The following ASAH1 variants were observed in gnomAD, a reference collection of about 807,000 sequenced individuals.
The protein encoded by ASAH1 is acid ceramidase.
In ASAH1, 70 loss-of-function variants were observed where a neutral mutation model predicts 59.5. That is an observed-to-expected ratio of 1.18 (90% confidence interval 0.97 to 1.43). The LOEUF (loss-of-function observed/expected upper bound fraction) is 1.43, where lower values mean the gene tolerates loss of function less well. Among genes scored for constraint, ASAH1 ranks in the 40% most tolerant of loss-of-function variants. ASAH1 has a pLI of 0.00. For synonymous variants in ASAH1, 213 were observed against 166.5 expected (o/e 1.28, Z -2.15); for missense variants, 660 against 482.5 (o/e 1.37, Z -3.45).
intron 5 of ASAH1, 126 bp from the exon 6 acceptor site, chr8:18,064,657 G>A: frequency 1.5e-6 from 1 of 656,646 alleles, no homozygotes; most frequent in South Asian, 1.8e-5. Context: ...GGCTGTGCTG[G>A]AACGGCCGGC....
chr8:18,072,633 T>G (rs558553566), intron 2 of ASAH1, among the ~76,000 whole-genome samples: 73 of 152,354 alleles, frequency 4.8e-4, no homozygotes, highest in African/African-American at 1.7e-3. Flanking sequence ...AATGCTACAA[T>G]ACTTATATTC....
rs544084108 is a variant in ASAH1 at position 18,074,240 on chromosome 8, T to C, written c.125+1301A>G. Among the ~76,000 whole-genome samples, 5 of 152,266 alleles carry C rather than the reference T, an allele frequency of 3.3e-5. No individual in the cohort carries two copies. The South Asian group carries it at 1.0e-3, about 32-fold the overall frequency. ...TCACTGAAGGCCAGAATGATGCCAGTGATGACAGAAAGGAAGACTTTCAGA... is the reference window on the plus strand; with the variant it reads ...TCACTGAAGGCCAGAATGATGCCAGCGATGACAGAAAGGAAGACTTTCAGA... On this transcript the variant is annotated intron_variant, in intron 2 of 13. Coordinates refer to ENST00000637790, the MANE Select transcript of ASAH1 (RefSeq NM_177924.5).
chr8:18,072,188 A>C (rs909856682), intron 2 of ASAH1, among the ~76,000 whole-genome samples: 1 of 152,184 alleles, frequency 6.6e-6, no homozygotes, highest in Non-Finnish European at 1.5e-5. Context: ...AGGGTGTGCC[A>C]GTTAGTGGTT....
chr8:18,069,773 G>C lies in ASAH1; in HGVS notation c.303+19C>G. 1 of 1,502,786 alleles carries C rather than the reference G, an allele frequency of 6.7e-7. No individual in the cohort carries two copies. Among genetic ancestry groups the C allele is most frequent in the African/African-American group, 1.4e-5 (1 of 73,526 alleles). 93.1% of individuals were successfully genotyped at this position (1,502,786 alleles called of 1,614,324 possible). On this transcript the variant is annotated intron_variant, in intron 4 of 13. Transcript: ENST00000637790. ...TTTCTATGTGCTTAACATTTATTGT[G>C]AGAAATAATATCTCTTACCAATTTT...
At chr8:18,067,041 C>A in intron 5 of ASAH1, 179 bp downstream of exon 5, 1 of 396,110 alleles carries the variant, frequency 2.5e-6, no homozygotes, top group Non-Finnish European at 4.6e-6. Flanking sequence ...TGATCTGAGT[C>A]ATGGCTACAT....
At chr8:18,078,221 A>T (rs1169723188) in intron 1 of ASAH1, among the ~76,000 whole-genome samples, 5 of 152,230 alleles carry the variant, frequency 3.3e-5, no homozygotes, top group Non-Finnish European at 5.9e-5. Context: ...AAGCCAAAAT[A>T]AACATCAAAT....
At chr8:18,066,153 T>C (rs956280913) in intron 5 of ASAH1, 4 of 151,808 alleles carry the variant, frequency 2.6e-5, no homozygotes, top group Non-Finnish European at 4.4e-5. Context: ...GACTTTGGGG[T>C]AGGCCAAGAT....
At chr8:18,072,635 C>T (rs1251018833) in intron 2 of ASAH1, among the ~76,000 whole-genome samples, 1 of 152,194 alleles carries the variant, frequency 6.6e-6, no homozygotes, top group Admixed American at 6.5e-5. Flanking sequence ...TGCTACAATA[C>T]TTATATTCTA....
intron 1 of ASAH1, chr8:18,083,224 T>C (rs758103238): frequency 6.6e-6 from 1 of 152,250 alleles, no homozygotes; most frequent in Non-Finnish European, 1.5e-5. Flanking sequence ...GATTGCTTTA[T>C]AAAGAAATGA....
chr8:18,061,818 G>T, intron 8 of ASAH1, 78 bp from the exon 9 acceptor site: 1 of 1,351,888 alleles, frequency 7.4e-7, no homozygotes, highest in Non-Finnish European at 1.0e-6. Flanking sequence ...GTACTTCAGA[G>T]TGGGATATAA....
At chr8:18,072,189 G>T (rs7460890) in intron 2 of ASAH1, among the ~76,000 whole-genome samples, 63,850 of 152,082 alleles carry the variant, frequency 0.42, 14,237 homozygotes, top group South Asian at 0.52. Flanking sequence ...GGGTGTGCCA[G>T]TTAGTGGTTT....
chr8:18,082,301 A>G (rs1177652627), intron 1 of ASAH1, among the ~76,000 whole-genome samples: 2 of 152,200 alleles, frequency 1.3e-5, no homozygotes, highest in African/African-American at 4.8e-5. Flanking sequence ...GAGAAAGAAG[A>G]AAAAACAGCC....
At chr8:18,059,108 G>C (rs149791839) in intron 12 of ASAH1, 6 of 711,908 alleles carry the variant, frequency 8.4e-6, no homozygotes, top group Non-Finnish European at 1.2e-5. Flanking sequence ...ATTCTTGCCT[G>C]TTTGTTATTC....
In ASAH1 at chr8:18,059,583, C is replaced by T; in HGVS notation, c.906G>A (p.Leu302=). The change falls in exon 11 of 14, where the codon TTG becomes TTA. Residue 302 remains leucine (L), a synonymous_variant. Coordinates refer to ENST00000637790, the MANE Select transcript of ASAH1 (RefSeq NM_177924.5). ...CVITRDRKES[L]DVYELDAKQG... is the part of the protein sequence containing the mutation. ...ACAAACCTACTTACTCATATACATCCAATGATTCCTTTCTGTCTCGTGTAA... is the reference window on the plus strand; with the variant it reads ...ACAAACCTACTTACTCATATACATCTAATGATTCCTTTCTGTCTCGTGTAA... 1 of 1,614,204 alleles carries T rather than the reference C, an allele frequency of 6.2e-7. No individual in the cohort carries two copies. The highest frequency in any genetic ancestry group is 8.5e-7 in the Non-Finnish European group (1 of 1,180,038).
chr8:18,081,529 C>T (rs1003944619), intron 1 of ASAH1, among the ~76,000 whole-genome samples: 15 of 152,278 alleles, frequency 9.9e-5, no homozygotes, highest in African/African-American at 3.1e-4. Flanking sequence ...TGTCATCTGG[C>T]GCTATCTCTC....
intron 1 of ASAH1, chr8:18,076,005 G>T: frequency 6.8e-6 from 2 of 295,746 alleles, no homozygotes; most frequent in Non-Finnish European, 6.5e-6. Context: ...AGATTTTCAG[G>T]GCACACAGCA....
At chr8:18,079,016 C>T (rs1181772878) in intron 1 of ASAH1, among the ~76,000 whole-genome samples, 1 of 152,112 alleles carries the variant, frequency 6.6e-6, no homozygotes, top group Admixed American at 6.6e-5. Context: ...GTGGCTCATG[C>T]CTGTAATTCC....
At chr8:18,084,450 T>A (rs1163753901), upstream of ASAH1, 1 of 1,351,612 alleles carries the variant, frequency 7.4e-7, no homozygotes, top group Non-Finnish European at 9.7e-7. Context: ...GGGTGCAGCC[T>A]GTCCCGCGTA....
intron 1 of ASAH1, among the ~76,000 whole-genome samples, chr8:18,079,593 A>T (rs1190577570): frequency 6.6e-6 from 1 of 152,196 alleles, no homozygotes; most frequent in Non-Finnish European, 1.5e-5. Flanking sequence ...CTAATAGTGA[A>T]TTTTAAAAGT....
Sources: gnomAD v4.1 joint callset for allele counts (sites outside exome capture counted in the v4.1 genomes callset) on GRCh38, gnomAD v4.1.1 for gene constraint, MANE v1.5 for transcripts, NCBI Gene and HGNC (gene_info 2026-07-23, HGNC 2026-07-21) for gene names.